Variants in KHDRBS2 observed in about 807,000 individuals in gnomAD.
The protein encoded by KHDRBS2 is KH domain-containing, RNA-binding, signal transduction-associated protein 2.
A neutral mutation model predicts 44.3 loss-of-function variants in KHDRBS2; 26 were observed. The ratio of observed to expected loss-of-function variants is 0.59; its 90% CI spans 0.43 to 0.81. The LOEUF (loss-of-function observed/expected upper bound fraction) is 0.81. KHDRBS2 is among the 40% of genes least tolerant of loss of function. KHDRBS2 has a pLI of 0.00. For missense variants in KHDRBS2, 476 were observed against 433.1 expected (o/e 1.10, Z -0.88); for synonymous variants, 194 against 151.1 (o/e 1.28, Z -2.08).
At chr6:61,883,209 A>T (rs1291035697) in intron 6 of KHDRBS2, among the ~76,000 whole-genome samples, 1 of 152,010 alleles carries the variant, frequency 6.6e-6, no homozygotes, top group Non-Finnish European at 1.5e-5. Context: ...TATACAAATA[A>T]TGTTTCAAAA....
chr6:61,807,622 C>G (rs1329498588), intron 6 of KHDRBS2, among the ~76,000 whole-genome samples: 1 of 151,952 alleles, frequency 6.6e-6, no homozygotes, highest in African/African-American at 2.4e-5. Context: ...ACAACAAAAT[C>G]ACATGGACAC....
intron 2 of KHDRBS2, among the ~76,000 whole-genome samples, chr6:62,063,244 A>G (rs1165231556): frequency 2.8e-5 from 4 of 144,670 alleles, no homozygotes; most frequent in African/African-American, 7.5e-5. Flanking sequence ...ATTCCAATCA[A>G]TAGAAAAAGA....
intron 6 of KHDRBS2, among the ~76,000 whole-genome samples, chr6:61,791,505 G>C (rs1402919095): frequency 1.3e-5 from 2 of 151,284 alleles, no homozygotes; most frequent in African/African-American, 4.8e-5. Context: ...TATACAAGCT[G>C]TTTCTTATTT....
the KHDRBS2 span, among the ~76,000 whole-genome samples, chr6:61,561,449 G>A: frequency 6.6e-6 from 1 of 152,124 alleles, no homozygotes; most frequent in East Asian, 1.9e-4. Flanking sequence ...GTTTTCCTGG[G>A]CCACAGGCAA....
intron 2 of KHDRBS2, among the ~76,000 whole-genome samples, chr6:62,079,834 T>G (rs561527897): frequency 9.2e-4 from 140 of 152,154 alleles, no homozygotes; most frequent in African/African-American, 3.3e-3. Context: ...TTTATTTATG[T>G]TTATAGTTCT....
At chr6:62,093,721 A>C (rs1438214630) in intron 2 of KHDRBS2, among the ~76,000 whole-genome samples, 1 of 151,814 alleles carries the variant, frequency 6.6e-6, no homozygotes. Flanking sequence ...TTAGATTCCC[A>C]TTTAATAAAC....
At chr6:61,919,065 T>C (rs1411602923) in intron 4 of KHDRBS2, among the ~76,000 whole-genome samples, 4 of 151,934 alleles carry the variant, frequency 2.6e-5, no homozygotes, top group Admixed American at 6.6e-5. Flanking sequence ...AATTCAACTA[T>C]ATGGCGAGCT....
At chr6:61,734,667 A>G (rs1171680486) in intron 6 of KHDRBS2, among the ~76,000 whole-genome samples, 1 of 152,122 alleles carries the variant, frequency 6.6e-6, no homozygotes, top group Non-Finnish European at 1.5e-5. Flanking sequence ...GACATAAATT[A>G]TTTAATATAA....
chr6:61,787,807 G>A (rs1281457409), intron 6 of KHDRBS2, among the ~76,000 whole-genome samples: 1 of 151,630 alleles, frequency 6.6e-6, no homozygotes, highest in Admixed American at 6.6e-5. Context: ...TACTTTTATA[G>A]ATGAGTTTTT....
At chr6:61,624,124 T>A in the KHDRBS2 span, among the ~76,000 whole-genome samples, 1 of 152,176 alleles carries the variant, frequency 6.6e-6, no homozygotes, top group Non-Finnish European at 1.5e-5. Flanking sequence ...GAATTTTGTA[T>A]CATATGTCAA....
At chr6:62,005,131 A>G (rs1778979480) in intron 3 of KHDRBS2, among the ~76,000 whole-genome samples, 1 of 152,128 alleles carries the variant, frequency 6.6e-6, no homozygotes, top group Non-Finnish European at 1.5e-5. Context: ...CTTGGTGTAT[A>G]TATCATATTA....
At chr6:61,542,814 T>G in the KHDRBS2 span, among the ~76,000 whole-genome samples, 1 of 151,944 alleles carries the variant, frequency 6.6e-6, no homozygotes, top group Non-Finnish European at 1.5e-5. Context: ...ACAGACAATC[T>G]GCAAAACTCA....
chr6:61,777,368 A>T (rs903491519), intron 6 of KHDRBS2, among the ~76,000 whole-genome samples: 5 of 152,262 alleles, frequency 3.3e-5, no homozygotes, highest in African/African-American at 1.2e-4. Context: ...GAGGGCTTGA[A>T]TTAAGGAGGA....
At chr6:61,915,609 T>G (rs1019806720) in intron 4 of KHDRBS2, among the ~76,000 whole-genome samples, 10 of 152,048 alleles carry the variant, frequency 6.6e-5, no homozygotes, top group Admixed American at 4.6e-4. Context: ...AAATAACAAT[T>G]TGCTTTCCAT....
chr6:62,253,418 G>A (rs1446045533), intron 1 of KHDRBS2, among the ~76,000 whole-genome samples: 1 of 151,906 alleles, frequency 6.6e-6, no homozygotes, highest in African/African-American at 2.4e-5. Context: ...CATCCCTAGG[G>A]TTTTTGTATT....
intron 3 of KHDRBS2, among the ~76,000 whole-genome samples, chr6:62,002,430 C>T (rs1173181703): frequency 6.6e-6 from 1 of 151,660 alleles, no homozygotes; most frequent in Non-Finnish European, 1.5e-5. Flanking sequence ...GTTCATTAAA[C>T]ATCATAAATG....
intron 2 of KHDRBS2, among the ~76,000 whole-genome samples, chr6:62,162,797 T>C (rs1817914442): frequency 6.6e-6 from 1 of 151,988 alleles, no homozygotes; most frequent in African/African-American, 2.4e-5. Context: ...GCCTGGCACA[T>C]TGGATAGAAT....
chr6:62,171,264 T>C (rs9354767), intron 2 of KHDRBS2, among the ~76,000 whole-genome samples: 84,929 of 151,620 alleles, frequency 0.56, 24,344 homozygotes, highest in Non-Finnish European at 0.62. Flanking sequence ...AGCTGAAAAA[T>C]GGACTACAAA....
chr6:61,993,190 A>C (rs1402362036), intron 3 of KHDRBS2, among the ~76,000 whole-genome samples: 1 of 152,162 alleles, frequency 6.6e-6, no homozygotes, highest in Non-Finnish European at 1.5e-5. Context: ...AATACTTTAT[A>C]CTTGTTGGCA....
Sources: allele counts gnomAD v4.1 joint callset (sites outside exome capture counted in the v4.1 genomes callset), GRCh38; gene constraint gnomAD v4.1.1; transcripts MANE v1.5; gene names NCBI Gene and HGNC (gene_info 2026-07-23, HGNC 2026-07-21).